The following DOCK3 variants were observed in gnomAD, a reference collection of about 807,000 sequenced individuals.
The protein encoded by DOCK3 is dedicator of cytokinesis protein 3.
In DOCK3, 60 loss-of-function variants were observed where a neutral mutation model predicts 265.6. That is an observed-to-expected ratio of 0.23 (90% CI 0.18 to 0.28). The LOEUF (loss-of-function observed/expected upper bound fraction) is 0.28. DOCK3 is among the 10% of genes least tolerant of loss of function. The pLI, the probability that DOCK3 is intolerant of heterozygous loss-of-function variation, is 1.00. For synonymous variants in DOCK3, 881 were observed against 938.0 expected (o/e 0.94, Z 1.11); for missense variants, 1,981 against 2,594.3 (o/e 0.76, Z 5.14).
At chr3:51,194,508 G>A (rs949248202) in intron 12 of DOCK3, among the ~76,000 whole-genome samples, 1 of 152,136 alleles carries the variant, frequency 6.6e-6, no homozygotes, top group Non-Finnish European at 1.5e-5. Context: ...GAATGTTGAA[G>A]TCCCCAACTA....
chr3:51,248,669 A>G (rs1175239017), intron 22 of DOCK3, among the ~76,000 whole-genome samples: 6 of 142,514 alleles, frequency 4.2e-5, no homozygotes, highest in Admixed American at 1.4e-4. Context: ...CTGGGATGTG[A>G]GGAGCCCCTC....
chr3:50,868,109 CTGTCGCCAG>C (rs1459801698), intron 3 of DOCK3, among the ~76,000 whole-genome samples: 1 of 150,646 alleles, frequency 6.6e-6, no homozygotes, highest in East Asian at 1.9e-4. Flanking sequence ...GAGTCTCACT[CTGTCGCCAG>C]ACTGGAGTGC....
intron 2 of DOCK3, among the ~76,000 whole-genome samples, chr3:50,804,331 C>T (rs576130993): frequency 5.9e-5 from 9 of 152,140 alleles, no homozygotes; most frequent in East Asian, 3.9e-4. Flanking sequence ...GCTTCCCAGA[C>T]GGGGTGGCGG....
chr3:51,346,332 C>A (rs1560475698), intron 38 of DOCK3, among the ~76,000 whole-genome samples: 1 of 150,758 alleles, frequency 6.6e-6, no homozygotes, highest in African/African-American at 2.4e-5. Context: ...ATGTTCCCCA[C>A]CCTGTGTCCA....
At chr3:51,000,064 C>G (rs1274075384) in intron 5 of DOCK3, among the ~76,000 whole-genome samples, 1 of 152,160 alleles carries the variant, frequency 6.6e-6, no homozygotes, top group Non-Finnish European at 1.5e-5. Flanking sequence ...CTGGCCTTTT[C>G]TTAGCATGTA....
intron 5 of DOCK3, among the ~76,000 whole-genome samples, chr3:51,008,242 C>T (rs1371649143): frequency 6.6e-6 from 1 of 152,144 alleles, no homozygotes; most frequent in Non-Finnish European, 1.5e-5. Context: ...GATATGGATT[C>T]TTCCTATCCA....
intron 25 of DOCK3, among the ~76,000 whole-genome samples, chr3:51,275,455 C>T (rs969682124): frequency 6.6e-6 from 1 of 152,134 alleles, no homozygotes; most frequent in Non-Finnish European, 1.5e-5. Flanking sequence ...ATCTGTAGTA[C>T]CACAAAGCCC....
chr3:50,723,047 A>G (rs1295416809), intron 1 of DOCK3, among the ~76,000 whole-genome samples: 1 of 152,174 alleles, frequency 6.6e-6, no homozygotes, highest in Admixed American at 6.5e-5. Flanking sequence ...TTCAGGGAAT[A>G]CAGACGTGGA....
chr3:50,935,396 G>A lies in DOCK3; in HGVS notation c.315+1319G>A, dbSNP rs562599910. Among the ~76,000 whole-genome samples the A allele has an allele frequency of 5.9e-5, 9 of 152,298 alleles. No homozygotes were observed. The South Asian group carries it at 1.7e-3, about 28-fold the overall frequency. On this transcript the variant is annotated intron_variant, in intron 5 of 52. Coordinates refer to ENST00000266037, the MANE Select transcript of DOCK3 (RefSeq NM_004947.5). ...ATGAACTGGAAAAATCTGGAAAAATGTAGGGGTGGGTGGCAGGGAGGAACC... is the reference window on the plus strand; with the variant it reads ...ATGAACTGGAAAAATCTGGAAAAATATAGGGGTGGGTGGCAGGGAGGAACC...
At chr3:51,072,888 T>C (rs898107001) in intron 6 of DOCK3, among the ~76,000 whole-genome samples, 2 of 151,776 alleles carry the variant, frequency 1.3e-5, no homozygotes, top group African/African-American at 4.8e-5. Context: ...TTTTTTTTTT[T>C]TTAGAGATGG....
Position 50,787,008 on chromosome 3 carries a change from AT to A in DOCK3, c.121+8256del, listed in dbSNP as rs548392552. On this transcript the variant is annotated intron_variant, in intron 2 of 52. Coordinates refer to ENST00000266037, the MANE Select transcript of DOCK3 (RefSeq NM_004947.5). ...TTTCGCACATGAGCCATGGCATAGA[AT>A]TTTTTCTCACAAATTTCACAGGAAA... The A allele has an allele frequency of 3.8e-4, 283 of 742,044 alleles. 2 individuals carry two copies. Among genetic ancestry groups the A allele is most frequent in the South Asian group, 3.6e-3 (269 of 74,114 alleles). The allele number at this position is 742,044 out of a possible 1,614,324, so 46.0% of individuals were successfully genotyped here. A position where few individuals can be genotyped will look rare whatever the true frequency, so the allele number is the denominator to read the frequency against.
At chr3:51,176,581 G>T (rs1000398467) in intron 12 of DOCK3, among the ~76,000 whole-genome samples, 1 of 152,068 alleles carries the variant, frequency 6.6e-6, no homozygotes, top group Non-Finnish European at 1.5e-5. Flanking sequence ...AGCTGAGATC[G>T]CTCCACTGCA....
chr3:50,998,703 G>C (rs1271335459), intron 5 of DOCK3, among the ~76,000 whole-genome samples: 1 of 152,100 alleles, frequency 6.6e-6, no homozygotes, highest in Non-Finnish European at 1.5e-5. Context: ...AAAATGTCCA[G>C]ATTCTAAATA....
chr3:51,317,061 G>A (rs2083406791), intron 32 of DOCK3, among the ~76,000 whole-genome samples: 1 of 151,890 alleles, frequency 6.6e-6, no homozygotes, highest in African/African-American at 2.4e-5. Context: ...TTTTTCTCCT[G>A]TCTTTTCTTC....
chr3:50,895,289 G>A (rs1350396012), intron 4 of DOCK3, among the ~76,000 whole-genome samples: 1 of 143,306 alleles, frequency 7.0e-6, no homozygotes. Context: ...TGTCCATCAC[G>A]TGCAGTTTTG....
At chr3:50,683,834 CCT>C (rs1315739280) in intron 1 of DOCK3, among the ~76,000 whole-genome samples, 1 of 13,344 alleles carries the variant, frequency 7.5e-5, no homozygotes, top group Non-Finnish European at 4.4e-4. Flanking sequence ...TCCCCGCTCT[CCT>C]CCCCCCCCCC....
At chr3:51,278,661 C>A in intron 26 of DOCK3, 6 of 634,048 alleles carry the variant, frequency 9.5e-6, no homozygotes, top group Non-Finnish European at 1.2e-5. Context: ...GGTAACCCAG[C>A]CTTCTAACCA....
intron 10 of DOCK3, among the ~76,000 whole-genome samples, chr3:51,152,602 C>A (rs575095872): frequency 6.6e-6 from 1 of 152,294 alleles, no homozygotes; most frequent in East Asian, 1.9e-4. Context: ...TTCAGCTTTT[C>A]TGCTCTGGCT....
chr3:51,346,550 C>T (rs373159098), intron 38 of DOCK3, among the ~76,000 whole-genome samples: 3 of 151,670 alleles, frequency 2.0e-5, no homozygotes, highest in Non-Finnish European at 3.0e-5. Context: ...TGATGGACAT[C>T]TGGGTTGGTT....
Sources: allele counts gnomAD v4.1 joint callset (sites outside exome capture counted in the v4.1 genomes callset), GRCh38; gene constraint gnomAD v4.1.1; transcripts MANE v1.5; gene names NCBI Gene and HGNC (gene_info 2026-07-23, HGNC 2026-07-21).